Variants in TNS3 observed in about 807,000 individuals in gnomAD.
The protein encoded by TNS3 is tensin 3, also known as tensin-3.
TNS3 carries 45 observed loss-of-function variants against 140.9 expected under a neutral mutation model. That is an observed-to-expected ratio of 0.32 (90% CI 0.25 to 0.41). TNS3 has a LOEUF of 0.41. Among genes scored for constraint, TNS3 ranks in the 10% least tolerant of loss-of-function variants. TNS3 has a pLI of 1.00. For synonymous variants in TNS3, 815 were observed against 788.4 expected, an observed-to-expected ratio of 1.03 and a Z score of -0.56; for missense variants, 1,716 against 1,906.7, an observed-to-expected ratio of 0.90 and a Z score of 1.86.
At chr7:47,486,598 T>C (rs1797624088) in intron 3 of TNS3, among the ~76,000 whole-genome samples, 2 of 152,184 alleles carry the variant, frequency 1.3e-5, no homozygotes, top group Non-Finnish European at 2.9e-5. Flanking sequence ...CAGATCTTCC[T>C]CAGTAAGGAG....
chr7:47,493,371 G>A (rs1797884072), intron 3 of TNS3, among the ~76,000 whole-genome samples: 1 of 152,148 alleles, frequency 6.6e-6, no homozygotes, highest in Non-Finnish European at 1.5e-5. Flanking sequence ...GGAAGAAAAG[G>A]TATAAACATA....
chr7:47,504,865 T>C (rs1798357616), intron 3 of TNS3, among the ~76,000 whole-genome samples: 1 of 152,296 alleles, frequency 6.6e-6, no homozygotes, highest in African/African-American at 2.4e-5. Context: ...AACACGGATA[T>C]ATTTCCCCAC....
intron 3 of TNS3, among the ~76,000 whole-genome samples, chr7:47,497,326 T>G (rs1341319883): frequency 6.6e-6 from 1 of 152,042 alleles, no homozygotes; most frequent in Non-Finnish European, 1.5e-5. Context: ...TGATGCAGAT[T>G]AAGGTATTAA....
rs925043336 is a variant in TNS3 at position 47,326,330 on chromosome 7, C to G, written c.2650+18425G>C. ...GGTTAAGAAGCTTATTCAAAGGAAGCCAACTCATCTGTTGGACTCAGAAAA... is the reference window on the plus strand; with the variant it reads ...GGTTAAGAAGCTTATTCAAAGGAAGGCAACTCATCTGTTGGACTCAGAAAA... On this transcript the variant is annotated intron_variant, in intron 20 of 30. Transcript: ENST00000311160. Among the ~76,000 whole-genome samples, 16 of 152,122 alleles carry G rather than the reference C, an allele frequency of 1.1e-4. 1 individual carries two copies. In the South Asian group the frequency reaches 1.7e-3, roughly 16 times the overall value.
In TNS3 at chr7:47,574,349, C is replaced by T. The variant is rs559648524; in HGVS notation, c.-265+7702G>A. Among the ~76,000 whole-genome samples, 4 of 152,204 alleles carry T rather than the reference C, an allele frequency of 2.6e-5. No individual in the cohort carries two copies. In the East Asian group the frequency reaches 5.8e-4, roughly 22 times the overall value. On this transcript the variant is annotated intron_variant, in intron 1 of 30. Coordinates refer to ENST00000311160, the MANE Select transcript of TNS3 (RefSeq NM_022748.12). The stretch of plus-strand genomic sequence containing the variant: ...GGTAAGAAGTCTCCCTCTTCCTTTT[C>T]CTGCAGGCCTGGTTTTTACCCTGGG...
At chr7:47,394,090 A>G (rs1792687127) in intron 16 of TNS3, among the ~76,000 whole-genome samples, 1 of 152,134 alleles carries the variant, frequency 6.6e-6, no homozygotes, top group African/African-American at 2.4e-5. Context: ...AAAATACACC[A>G]ATGGGAATTG....
chr7:47,409,219 G>A (rs1429352331), intron 13 of TNS3, among the ~76,000 whole-genome samples: 1 of 152,000 alleles, frequency 6.6e-6, no homozygotes, highest in African/African-American at 2.4e-5. Context: ...AGGAGGAGGA[G>A]GTAGCTGGGA....
At chr7:47,345,415 C>A (rs560293424) in intron 18 of TNS3, among the ~76,000 whole-genome samples, 24 of 152,210 alleles carry the variant, frequency 1.6e-4, no homozygotes, top group South Asian at 1.5e-3. Flanking sequence ...TTCACAGATG[C>A]ATAAAAACAC....
chr7:47,564,631 G>A (rs777492664), intron 1 of TNS3, among the ~76,000 whole-genome samples: 28 of 37,902 alleles, frequency 7.4e-4, no homozygotes, highest in South Asian at 1.4e-3. Flanking sequence ...GCAAGACTCC[G>A]TCTCAAAAAA....
At chr7:47,436,016 G>C (rs978332728) in intron 7 of TNS3, among the ~76,000 whole-genome samples, 1 of 152,184 alleles carries the variant, frequency 6.6e-6, no homozygotes, top group Non-Finnish European at 1.5e-5. Context: ...GGCCACACGG[G>C]GGTGTTGCTT....
At chr7:47,403,115 G>T (rs1234802023) in intron 13 of TNS3, among the ~76,000 whole-genome samples, 1 of 152,084 alleles carries the variant, frequency 6.6e-6, no homozygotes, top group African/African-American at 2.4e-5. Flanking sequence ...CGTCAGTACC[G>T]CCCCGCCCAG....
intron 30 of TNS3, chr7:47,278,889 G>A (rs1784995436): frequency 6.6e-6 from 1 of 152,202 alleles, no homozygotes; most frequent in Non-Finnish European, 1.5e-5. Flanking sequence ...CCCTATCCAG[G>A]TCCTGGGCAA....
In TNS3 at chr7:47,542,918, A is replaced by G. The variant is rs1799828376; in HGVS notation, c.-264-13771T>C. ...GCACTCCAACCACGGGGAACAGTGC[A>G]AGACTGTCAAAAAAAAAAAAAAAAG... On this transcript the variant is annotated intron_variant, in intron 1 of 30. Transcript: ENST00000311160. Among the ~76,000 whole-genome samples, 2 of 94,160 alleles carry G rather than the reference A, an allele frequency of 2.1e-5. 1 individual carries two copies. Among genetic ancestry groups the G allele is most frequent in the South Asian group, 1.1e-3 (2 of 1,860 alleles). The allele number at this position is 94,160 out of a possible 152,430, so 61.8% of individuals were successfully genotyped here. A position where few individuals can be genotyped will look rare whatever the true frequency, so the allele number is the denominator to read the frequency against.
chr7:47,436,267 A>T (rs1795177914), intron 7 of TNS3, among the ~76,000 whole-genome samples: 1 of 152,186 alleles, frequency 6.6e-6, no homozygotes, highest in Non-Finnish European at 1.5e-5. Context: ...ATACTCTACT[A>T]TTGTTAACTA....
intron 27 of TNS3, among the ~76,000 whole-genome samples, chr7:47,289,373 T>C (rs1260717788): frequency 6.6e-6 from 1 of 152,194 alleles, no homozygotes; most frequent in South Asian, 2.1e-4. Context: ...AAGTCAGGGT[T>C]TGAAAGTCAG....
intron 4 of TNS3, among the ~76,000 whole-genome samples, chr7:47,477,862 G>A (rs1408337863): frequency 6.6e-6 from 1 of 152,102 alleles, no homozygotes; most frequent in African/African-American, 2.4e-5. Flanking sequence ...TCCGCTAAAT[G>A]GGGGGGTCTG....
intron 3 of TNS3, among the ~76,000 whole-genome samples, chr7:47,494,948 TA>T (rs894275072): frequency 2.0e-5 from 3 of 151,940 alleles, no homozygotes; most frequent in African/African-American, 7.3e-5. Flanking sequence ...GCCCCGCTGA[TA>T]AAAATGTGGC....
intron 16 of TNS3, among the ~76,000 whole-genome samples, chr7:47,369,844 C>G (rs151280972): frequency 0.013 from 2,052 of 152,328 alleles, 52 homozygotes; most frequent in African/African-American, 0.047. Context: ...GCTAGAATCA[C>G]TTCTACCTTT....
Position 47,433,174 on chromosome 7 carries a change from C to T in TNS3, c.324+2108G>A, listed in dbSNP as rs1191561132. On this transcript the variant is annotated intron_variant, in intron 8 of 30. Transcript: ENST00000311160. ...GCCCAGGCTGAGACAGGCCCAGCTA[C>T]GCTAGAAATTCCTGGCATGTGTGGA... Among the ~76,000 whole-genome samples the T allele has an allele frequency of 3.3e-5, 5 of 152,216 alleles. No homozygotes were observed. The South Asian group carries it at 6.2e-4, about 19-fold the overall frequency.
Sources: allele counts gnomAD v4.1 joint callset (sites outside exome capture counted in the v4.1 genomes callset), GRCh38; gene constraint gnomAD v4.1.1; transcripts MANE v1.5; gene names NCBI Gene and HGNC (gene_info 2026-07-23, HGNC 2026-07-21).